Variants in VRTN observed in about 807,000 individuals in gnomAD.
The protein encoded by VRTN is vertnin.
In VRTN, 5 loss-of-function variants were observed where a neutral mutation model predicts 18.2. The ratio of observed to expected loss-of-function variants is 0.27; its 90% CI spans 0.14 to 0.58. VRTN has a LOEUF of 0.58. VRTN is among the 20% of genes least tolerant of loss of function. VRTN has a pLI of 0.91. For missense variants in VRTN, 741 were observed against 939.4 expected, an observed-to-expected ratio of 0.79 and a Z score of 2.76; for synonymous variants, 381 against 393.7, an observed-to-expected ratio of 0.97 and a Z score of 0.38.
rs776128182 is a variant in VRTN, at chr14:74,358,896, G to A, written c.*4G>A. 1.9e-6 allele frequency: 3 copies of A among 1,604,240 alleles called. No individual in the cohort carries two copies. The highest frequency in any genetic ancestry group is 4.5e-5 in the East Asian group (2 of 44,752). ...CCTGACCCTGGTAGATGGCTGACAG[G>A]GAGGTACAAAAGGGGCTGGGAAGAA... On this transcript the variant is annotated 3_prime_UTR_variant, in exon 2 of 2. Transcript: ENST00000256362. The surrounding 1 kb of genome is among the most constrained non-coding windows in gnomAD (Gnocchi z 5.4).
chr14:74,354,533 T>A (rs1332436091), intron 1 of VRTN, among the ~76,000 whole-genome samples: 1 of 151,924 alleles, frequency 6.6e-6, no homozygotes, highest in Non-Finnish European at 1.5e-5. Context: ...GCCTCCTGAG[T>A]AGCTGGGACC....
intron 2 of VRTN, among the ~76,000 whole-genome samples, chr14:74,341,489 A>G (rs1156475888): frequency 6.6e-6 from 1 of 152,196 alleles, no homozygotes; most frequent in Non-Finnish European, 1.5e-5. Flanking sequence ...ATTGTTAATT[A>G]CTTCTTTAAA....
chr14:74,340,539 G>T (rs891711451), intron 2 of VRTN, among the ~76,000 whole-genome samples: 1 of 151,702 alleles, frequency 6.6e-6, no homozygotes, highest in African/African-American at 2.4e-5. Context: ...CACCATACCC[G>T]GCCAATGAGA....
chr14:74,316,800 C>G (rs2085421695), intron 1 of VRTN, among the ~76,000 whole-genome samples: 1 of 151,752 alleles, frequency 6.6e-6, no homozygotes, highest in South Asian at 2.1e-4. Flanking sequence ...CCATGCCCGG[C>G]TAATTTTTTT....
At chr14:74,354,414 T>C (rs2085709259) in intron 1 of VRTN, among the ~76,000 whole-genome samples, 1 of 151,798 alleles carries the variant, frequency 6.6e-6, no homozygotes, top group Non-Finnish European at 1.5e-5. Context: ...CATGGGTCTT[T>C]TTTTTTTTTG....
chr14:74,326,415 A>G (rs1342811243), intron 1 of VRTN, among the ~76,000 whole-genome samples: 1 of 152,158 alleles, frequency 6.6e-6, no homozygotes, highest in Non-Finnish European at 1.5e-5. Flanking sequence ...AGTTCGTGGC[A>G]CATTCTAAGC....
At position 74,358,220 on chromosome 14, in the gene VRTN, G is replaced by T. The variant is rs754149597; in HGVS notation, c.1437G>T (p.Ala479=). ...EGAVIPWKSE[A]EEGAGNATGE... ...CTGTAATTCCTTGGAAGAGTGAGGC[G>T]GAAGAGGGGGCAGGGAATGCCACAG... Residue 479 remains alanine, a synonymous_variant, in exon 2 of 2, where the codon GCG becomes GCT. Transcript: ENST00000256362. The surrounding 1 kb of genome is among the most constrained non-coding windows in gnomAD (Gnocchi z 5.4). 1.2e-6 allele frequency: 2 copies of T among 1,612,606 alleles called. No individual in the cohort carries two copies. The highest frequency in any genetic ancestry group is 1.7e-6 in the Non-Finnish European group (2 of 1,179,308).
At chr14:74,346,687 C>G (rs2085646566), upstream of VRTN, among the ~76,000 whole-genome samples, 1 of 152,180 alleles carries the variant, frequency 6.6e-6, no homozygotes, top group Non-Finnish European at 1.5e-5. Context: ...TTAACAATAG[C>G]TGTCTTTAGA....
At chr14:74,354,251 G>T (rs901735565) in intron 1 of VRTN, among the ~76,000 whole-genome samples, 1 of 152,012 alleles carries the variant, frequency 6.6e-6, no homozygotes, top group Non-Finnish European at 1.5e-5. Flanking sequence ...CAGATATATA[G>T]ATGGAAAAAG....
chr14:74,347,059 C>A (rs8003055), upstream of VRTN, among the ~76,000 whole-genome samples: 99,942 of 152,090 alleles, frequency 0.66, 33,082 homozygotes, highest in South Asian at 0.73. Context: ...AGAATTTAAA[C>A]ATAATTTCAA....
chr14:74,330,842 C>G (rs558210179), intron 1 of VRTN, among the ~76,000 whole-genome samples: 3 of 152,014 alleles, frequency 2.0e-5, no homozygotes, highest in Non-Finnish European at 4.4e-5. Context: ...AAAGAGCCCA[C>G]GTTGTTGCCT....
At chr14:74,333,519 A>C (rs1382397207) in intron 1 of VRTN, among the ~76,000 whole-genome samples, 1 of 150,126 alleles carries the variant, frequency 6.7e-6, no homozygotes, top group Non-Finnish European at 1.5e-5. Flanking sequence ...AGGGTAAAGA[A>C]ATCATTGAGT....
At chr14:74,303,427 T>C (rs2085168270) in intron 1 of VRTN, among the ~76,000 whole-genome samples, 1 of 152,100 alleles carries the variant, frequency 6.6e-6, no homozygotes, top group South Asian at 2.1e-4. Flanking sequence ...GGCGAGCGCC[T>C]GTGGTCCGAG....
At chr14:74,328,469 C>G (rs1340533623) in intron 1 of VRTN, among the ~76,000 whole-genome samples, 2 of 152,094 alleles carry the variant, frequency 1.3e-5, no homozygotes, top group Non-Finnish European at 2.9e-5. Context: ...TTTGACCAAG[C>G]AATTCTACTT....
chr14:74,338,904 T>C (rs1227029000), intron 2 of VRTN, among the ~76,000 whole-genome samples: 1 of 152,090 alleles, frequency 6.6e-6, no homozygotes, highest in Non-Finnish European at 1.5e-5. Flanking sequence ...TTTAGATTTT[T>C]AGTAGAGATG....
chr14:74,333,202 G>A (rs1415458167), intron 1 of VRTN, among the ~76,000 whole-genome samples: 1 of 152,006 alleles, frequency 6.6e-6, no homozygotes, highest in Non-Finnish European at 1.5e-5. Flanking sequence ...GACCAACATG[G>A]TGAAACCCCG....
At chr14:74,328,056 G>A (rs1396139137) in intron 1 of VRTN, among the ~76,000 whole-genome samples, 7 of 152,148 alleles carry the variant, frequency 4.6e-5, no homozygotes, top group African/African-American at 1.2e-4. Context: ...AGATCGGGGC[G>A]AAGGAAAGGC....
rs1183500689 is a variant in VRTN at position 74,341,238 on chromosome 14, C to T, written c.-2+3354C>T. 5.9e-5 allele frequency among the ~76,000 whole-genome samples: 9 copies of T among 152,140 alleles called. No individual in the cohort carries two copies. In the East Asian group the frequency reaches 1.7e-3, roughly 29 times the overall value. On this transcript the variant is annotated intron_variant, in intron 2 of 2. Coordinates refer to the VRTN transcript ENST00000557177. ...TTTTCCATTTAATCCTCACAGCAAC[C>T]TCTCTGGGGTTGTTACCATCATTTT...
intron 1 of VRTN, among the ~76,000 whole-genome samples, chr14:74,328,075 C>A (rs2085498924): frequency 6.6e-6 from 1 of 152,154 alleles, no homozygotes; most frequent in Non-Finnish European, 1.5e-5. Context: ...GCGTGAGCCA[C>A]CACACCTGGC....
Sources: gnomAD v4.1 joint callset for allele counts (sites outside exome capture counted in the v4.1 genomes callset) on GRCh38, gnomAD v4.1.1 for gene constraint, Gnocchi (gnomAD v3.1) non-coding constraint, MANE v1.5 for transcripts, NCBI Gene and HGNC (gene_info 2026-07-23, HGNC 2026-07-21) for gene names.